Variants in CD160 observed in about 807,000 individuals in gnomAD.
CD160 encodes CD160 antigen.
CD160 carries 11 observed loss-of-function variants against 19.2 expected under a neutral mutation model. That is an observed-to-expected ratio of 0.57 (90% confidence interval 0.36 to 0.95). The LOEUF is 0.95. Among genes scored for constraint, CD160 ranks in the 40% least tolerant of loss-of-function variants. The probability of loss-of-function intolerance (pLI) is 0.01; values close to 1 mark genes in which losing one functional copy is unlikely to be tolerated. For missense variants in CD160, 182 were observed against 213.2 expected, an observed-to-expected ratio of 0.85 and a Z score of 0.91; for synonymous variants, 75 against 81.1, an observed-to-expected ratio of 0.93 and a Z score of 0.40.
At chr1:145,737,018 C>T (rs1164280125) in intron 5 of CD160, 1 of 152,338 alleles carries the variant, frequency 6.6e-6, no homozygotes, top group Non-Finnish European at 1.5e-5. Flanking sequence ...AATCCCAGCA[C>T]TTTGGGAGGC....
At chr1:145,735,880 G>A (rs1657464010) in intron 4 of CD160, 117 bp from the exon 5 acceptor site, 6 of 738,488 alleles carry the variant, frequency 8.1e-6, no homozygotes, top group East Asian at 2.5e-5. Context: ...TTTGGGCAAC[G>A]AATTACAGAG....
At chr1:145,728,079 C>T (rs1553708614) in intron 2 of CD160, among the ~76,000 whole-genome samples, 177 bp from the exon 3 acceptor site, 4 of 152,170 alleles carry the variant, frequency 2.6e-5, no homozygotes, top group South Asian at 4.1e-4. Flanking sequence ...CCTCCCTCCC[C>T]GGCTCCCAGT....
intron 4 of CD160, among the ~76,000 whole-genome samples, chr1:145,734,305 A>G (rs1657402939): frequency 6.6e-6 from 1 of 152,110 alleles, no homozygotes; most frequent in African/African-American, 2.4e-5. Flanking sequence ...CTGTTGCCTA[A>G]TGGTCCAGCA....
At chr1:145,720,068 A>G (rs1203880841) in intron 1 of CD160, among the ~76,000 whole-genome samples, 1 of 152,256 alleles carries the variant, frequency 6.6e-6, no homozygotes, top group African/African-American at 2.4e-5. Flanking sequence ...TGCTTCAGTT[A>G]TGAATGTAGA....
At position 145,738,498 on chromosome 1, in the gene CD160, TGTGCCA is replaced by T; in HGVS notation, c.*6_*11del. ...TTTCTTTCCACAGCTTTGTAAGCCTTGTGCCAAAAGAAACTTTTAAAACAGCTACAG... is the reference window on the plus strand; with the variant it reads ...TTTCTTTCCACAGCTTTGTAAGCCTTAAAGAAACTTTTAAAACAGCTACAG... On this transcript the variant is annotated 3_prime_UTR_variant, in exon 6 of 6. Transcript: ENST00000369288. 7.6e-7 allele frequency: 1 copy of T among 1,323,790 alleles called. No homozygotes were observed. 82.0% of individuals were successfully genotyped at this position (1,323,790 alleles called of 1,614,324 possible). A position where few individuals can be genotyped will look rare whatever the true frequency, so the allele number is the denominator to read the frequency against.
chr1:145,725,234 A>G (rs1022183891), intron 2 of CD160, among the ~76,000 whole-genome samples: 3 of 151,922 alleles, frequency 2.0e-5, no homozygotes, highest in African/African-American at 7.2e-5. Flanking sequence ...CCTGGCCAAG[A>G]TGGTGAAACC....
chr1:145,730,789 T>G lies in CD160; in HGVS notation c.119T>G (p.Leu40Arg). ...TCAGCTTCCCAGGAAGGAACGCGAC[T>G]AAACTTAATCTGTACTGTATGGCAT... Reference protein sequence around the residue: ...TSSASQEGTRLNLICTVWHKK... With the variant: ...TSSASQEGTRRNLICTVWHKK... The change falls in exon 4 of 6, where the codon CTA (leucine) becomes CGA (arginine). Residue 40 changes from leucine to arginine, a missense_variant. Leu to Arg is a moderately radical substitution (Grantham distance 102). Coordinates refer to ENST00000369288, the MANE Select transcript of CD160 (RefSeq NM_007053.4). The G allele has an allele frequency of 6.2e-7, 1 of 1,614,102 alleles. No homozygotes were observed.
intron 4 of CD160, among the ~76,000 whole-genome samples, chr1:145,732,085 G>A (rs1198504223): frequency 1.3e-5 from 2 of 152,114 alleles, no homozygotes; most frequent in African/African-American, 4.8e-5. Context: ...GCTTTAAGTG[G>A]CTTCCTTAAG....
intron 3 of CD160, among the ~76,000 whole-genome samples, chr1:145,729,993 T>C (rs1657220680): frequency 6.6e-6 from 1 of 152,212 alleles, no homozygotes; most frequent in Non-Finnish European, 1.5e-5. Context: ...AATTAAATTG[T>C]AACTTTTTGC....
intron 1 of CD160, among the ~76,000 whole-genome samples, chr1:145,721,756 C>T (rs899788829): frequency 2.0e-5 from 3 of 152,114 alleles, no homozygotes; most frequent in African/African-American, 7.2e-5. Flanking sequence ...ATTCACCCAC[C>T]GTATTCTTTA....
At chr1:145,736,930 G>T (rs1211813761) in intron 5 of CD160, 1 of 152,182 alleles carries the variant, frequency 6.6e-6, no homozygotes, top group Non-Finnish European at 1.5e-5. Flanking sequence ...ACCCTTGCAA[G>T]CAAACATCCC....
chr1:145,731,105 G>A (rs1553709183), intron 4 of CD160, 35 bp downstream of exon 4: 4 of 1,539,724 alleles, frequency 2.6e-6, no homozygotes, highest in African/African-American at 1.4e-5. Flanking sequence ...CCACCAGGTG[G>A]GACAGTGAGC....
chr1:145,725,457 C>T (rs1227204648), intron 2 of CD160, among the ~76,000 whole-genome samples: 1 of 152,020 alleles, frequency 6.6e-6, no homozygotes, highest in African/African-American at 2.4e-5. Flanking sequence ...AAGAAAATAA[C>T]AACATACTAT....
At chr1:145,728,743 G>A (rs963827680) in intron 3 of CD160, among the ~76,000 whole-genome samples, 4 of 152,130 alleles carry the variant, frequency 2.6e-5, no homozygotes, top group Admixed American at 1.3e-4. Flanking sequence ...CTGACCTCAG[G>A]TGATCCTCAG....
intron 5 of CD160, chr1:145,736,599 T>C (rs751302965): frequency 5.8e-4 from 99 of 171,478 alleles, no homozygotes; most frequent in Non-Finnish European, 1.1e-3. Flanking sequence ...CATTTACCAA[T>C]ATAGATTAGC....
chr1:145,730,190 C>G (rs1204321679), intron 3 of CD160, among the ~76,000 whole-genome samples: 1 of 152,114 alleles, frequency 6.6e-6, no homozygotes, highest in Non-Finnish European at 1.5e-5. Flanking sequence ...CATAGTGGTG[C>G]ATACCTGTAG....
At chr1:145,734,669 A>C (rs1262922453) in intron 4 of CD160, among the ~76,000 whole-genome samples, 1 of 152,194 alleles carries the variant, frequency 6.6e-6, no homozygotes, top group Admixed American at 6.5e-5. Flanking sequence ...ATATTGTTTT[A>C]GTTGTGAAGA....
At chr1:145,734,844 C>T (rs978923656) in intron 4 of CD160, among the ~76,000 whole-genome samples, 1 of 152,302 alleles carries the variant, frequency 6.6e-6, no homozygotes, top group South Asian at 2.1e-4. Flanking sequence ...TGGTGGCTCA[C>T]GCCTGTAATC....
rs1657118060 is a variant in CD160 at position 145,727,967 on chromosome 1, T to C, written c.-72-289T>C. ...GCCTTTTTGGAGAGCAATCTGATTA[T>C]AGTAGAAAAAAAGTTTTAATCATCA... On this transcript the variant is annotated intron_variant, in intron 2 of 5. Coordinates refer to ENST00000369288, the MANE Select transcript of CD160 (RefSeq NM_007053.4). 1.3e-5 allele frequency among the ~76,000 whole-genome samples: 2 copies of C among 152,200 alleles called. 1 individual carries two copies. The highest frequency in any genetic ancestry group is 1.3e-4 in the Admixed American group (2 of 15,268).
Sources: gnomAD v4.1 joint callset for allele counts (sites outside exome capture counted in the v4.1 genomes callset) on GRCh38, gnomAD v4.1.1 for gene constraint, MANE v1.5 for transcripts, NCBI Gene and HGNC (gene_info 2026-07-23, HGNC 2026-07-21) for gene names.